The following GOLM1 variants were observed in gnomAD, a reference collection of about 807,000 sequenced individuals.
GOLM1 encodes golgi membrane protein 1, also known as epididymis luminal protein 46.
Under a neutral mutation model 50.5 loss-of-function variants are expected in GOLM1, and 31 were observed. That is an observed-to-expected ratio of 0.61 (90% CI 0.46 to 0.83). GOLM1 has a LOEUF of 0.83. Ranked by LOEUF, GOLM1 falls within the 40% of genes least tolerant of loss-of-function variation. The pLI is 0.00. For missense variants in GOLM1, 491 were observed against 501.3 expected, an observed-to-expected ratio of 0.98 and a Z score of 0.20; for synonymous variants, 178 against 192.8, an observed-to-expected ratio of 0.92 and a Z score of 0.64.
At chr9:86,053,674 A>ATAC (rs1327272255) in intron 3 of GOLM1, among the ~76,000 whole-genome samples, 3 of 149,082 alleles carry the variant, frequency 2.0e-5, no homozygotes, top group African/African-American at 5.0e-5. Flanking sequence ...CACACACGGC[A>ATAC]CACCACTCCA....
intron 5 of GOLM1, among the ~76,000 whole-genome samples, chr9:86,041,422 G>A (rs953606887): frequency 2.6e-5 from 4 of 152,200 alleles, no homozygotes; most frequent in South Asian, 2.1e-4. Context: ...CCCTGTGGCC[G>A]ATGGTGTAAT....
chr9:86,095,605 T>C (rs774257432), intron 1 of GOLM1, among the ~76,000 whole-genome samples: 21 of 152,004 alleles, frequency 1.4e-4, no homozygotes, highest in Non-Finnish European at 2.6e-4. Flanking sequence ...CATGACAGAG[T>C]GCTTCAAAGG....
At chr9:86,031,201 C>G (rs1832968987) in intron 9 of GOLM1, among the ~76,000 whole-genome samples, 1 of 151,082 alleles carries the variant, frequency 6.6e-6, no homozygotes, top group Admixed American at 6.6e-5. Context: ...CAGAGTGAGA[C>G]TCCATCTGAG....
At chr9:86,079,741 C>G in intron 1 of GOLM1, 1 of 159,468 alleles carries the variant, frequency 6.3e-6, no homozygotes, top group African/African-American at 2.4e-5. Flanking sequence ...GAGAAGTAAT[C>G]ATTTCTGTAA....
chr9:86,079,507 C>CA (rs2118854255), intron 1 of GOLM1, among the ~76,000 whole-genome samples, 166 bp from the exon 2 acceptor site: 1 of 152,280 alleles, frequency 6.6e-6, no homozygotes, highest in East Asian at 1.9e-4. Flanking sequence ...ATGTGAACGG[C>CA]ACGCACAGAG....
intron 9 of GOLM1, among the ~76,000 whole-genome samples, chr9:86,031,311 T>C (rs1832973414): frequency 6.6e-6 from 1 of 152,102 alleles, no homozygotes; most frequent in South Asian, 2.1e-4. Flanking sequence ...TTCTGCTGAA[T>C]TCTGAAGTTT....
rs182741339 is a variant in GOLM1 at position 86,086,051 on chromosome 9, T to C, written c.-21-6710A>G. Among the ~76,000 whole-genome samples the C allele has an allele frequency of 6.4e-4, 98 of 152,368 alleles. 1 individual carries two copies. Among genetic ancestry groups the C allele is most frequent in the African/African-American group, 4.8e-4 (20 of 41,588 alleles). ...CTAGATCCTTGAGGAATCACCACACTGTTTTCCACAATGGTTGAACTAACT... is the reference window on the plus strand; with the variant it reads ...CTAGATCCTTGAGGAATCACCACACCGTTTTCCACAATGGTTGAACTAACT... On this transcript the variant is annotated intron_variant, in intron 1 of 9. Coordinates refer to ENST00000388712, the MANE Select transcript of GOLM1 (RefSeq NM_016548.4).
chr9:86,028,372 C>A (rs1006256265), intron 9 of GOLM1, among the ~76,000 whole-genome samples: 2 of 152,204 alleles, frequency 1.3e-5, no homozygotes, highest in African/African-American at 2.4e-5. Context: ...AAGGGAAATT[C>A]GGCCAAGGAC....
At chr9:86,067,151 C>T (rs1482907655) in intron 3 of GOLM1, among the ~76,000 whole-genome samples, 1 of 152,188 alleles carries the variant, frequency 6.6e-6, no homozygotes, top group East Asian at 1.9e-4. Flanking sequence ...GACTGAACTC[C>T]TGACCTCAAG....
At chr9:86,097,861 G>A (rs1479686218) in intron 1 of GOLM1, among the ~76,000 whole-genome samples, 2 of 152,100 alleles carry the variant, frequency 1.3e-5, no homozygotes, top group Admixed American at 6.6e-5. Flanking sequence ...TGTCCTAACT[G>A]TTGTTTCTGC....
chr9:86,060,876 C>CAAAAAAAAAAAAAAAAAAAAAAAAA (rs753183065), intron 3 of GOLM1, among the ~76,000 whole-genome samples: 1 of 19,910 alleles, frequency 5.0e-5, no homozygotes, highest in Admixed American at 7.1e-4. Context: ...GAAACTCTCT[C>CAAAAAAAAAAAAAAAAAAAAAAAAA]AAAAAAAAAA....
intron 5 of GOLM1, among the ~76,000 whole-genome samples, chr9:86,042,111 C>T (rs1472642699): frequency 3.3e-5 from 5 of 152,028 alleles, no homozygotes; most frequent in Non-Finnish European, 7.4e-5. Context: ...AGCGAGACTC[C>T]GTCTCAAAAA....
At chr9:86,045,970 C>T (rs1193489456) in intron 5 of GOLM1, among the ~76,000 whole-genome samples, 2 of 152,078 alleles carry the variant, frequency 1.3e-5, no homozygotes, top group African/African-American at 4.8e-5. Flanking sequence ...TATCTTCCTG[C>T]GGGGCTTAGC....
intron 3 of GOLM1, among the ~76,000 whole-genome samples, chr9:86,055,549 G>A (rs1833960611): frequency 6.6e-6 from 1 of 152,216 alleles, no homozygotes; most frequent in Admixed American, 6.5e-5. Context: ...GGGGGTCACA[G>A]ATGAATGAAT....
At chr9:86,068,185 T>C (rs781490414) in intron 3 of GOLM1, among the ~76,000 whole-genome samples, 21 of 151,998 alleles carry the variant, frequency 1.4e-4, no homozygotes, top group Non-Finnish European at 2.8e-4. Flanking sequence ...GAGGTGGAAA[T>C]TGCACAAAAC....
rs1328638637 is a variant in GOLM1 at position 86,027,151 on chromosome 9, G to GCCACTTAATAGCGTTTTGT, written c.*647_*665dup. 1.8e-4 allele frequency: 179 copies of GCCACTTAATAGCGTTTTGT among 985,238 alleles called. No individual in the cohort carries two copies. Among genetic ancestry groups the GCCACTTAATAGCGTTTTGT allele is most frequent in the Non-Finnish European group, 2.1e-4 (176 of 829,910 alleles). The allele number at this position is 985,238 out of a possible 1,614,324, so 61.0% of individuals were successfully genotyped here. On this transcript the variant is annotated 3_prime_UTR_variant, in exon 10 of 10. Transcript: ENST00000388712. Reference sequence around the variant, plus strand: ...AAGACCACAAATGTTCAAATTCTAAGCCACTTAATAGCGTTTTGTACATTA... The same window carrying GCCACTTAATAGCGTTTTGT: ...AAGACCACAAATGTTCAAATTCTAAGCCACTTAATAGCGTTTTGTCCACTTAATAGCGTTTTGTACATTA...
chr9:86,081,384 C>T (rs1325893998), intron 1 of GOLM1, among the ~76,000 whole-genome samples: 10 of 151,774 alleles, frequency 6.6e-5, no homozygotes, highest in African/African-American at 1.2e-4. Context: ...TTAGTAGAGA[C>T]GGGGTTTCTC....
chr9:86,046,671 A>T, intron 4 of GOLM1, 99 bp from the exon 5 acceptor site: 1 of 746,786 alleles, frequency 1.3e-6, no homozygotes, highest in Non-Finnish European at 2.4e-6. Context: ...CAGACCATAA[A>T]GGGCAAGGAC....
rs372879703 is a variant in GOLM1, at chr9:86,077,407, C to T, written c.309+5G>A. ...AGAACTGAGAGGAAACAAAGCAGGC[C>T]TTGCCTTTTCGTCCTGGTACAGCTT... On this transcript the variant is annotated splice_donor_5th_base_variant and intron_variant, in intron 3 of 9. Coordinates refer to ENST00000388712, the MANE Select transcript of GOLM1 (RefSeq NM_016548.4). The T allele has an allele frequency of 5.0e-6, 8 of 1,612,246 alleles. No homozygotes were observed. The highest frequency in any genetic ancestry group is 1.6e-4 in the Middle Eastern group (1 of 6,082).
Sources: allele counts gnomAD v4.1 joint callset (sites outside exome capture counted in the v4.1 genomes callset), GRCh38; gene constraint gnomAD v4.1.1; transcripts MANE v1.5; gene names NCBI Gene and HGNC (gene_info 2026-07-23, HGNC 2026-07-21).